Variants in PTPRD observed in about 807,000 individuals in gnomAD.
PTPRD encodes the protein receptor-type tyrosine-protein phosphatase delta.
A neutral mutation model predicts 214.5 loss-of-function variants in PTPRD; 34 were observed. The observed-to-expected ratio is 0.16, with a 90% CI of 0.12 to 0.21. PTPRD has a LOEUF of 0.21. Among genes scored for constraint, PTPRD ranks in the 10% least tolerant of loss-of-function variants. PTPRD has a pLI of 1.00. For missense variants in PTPRD, 2,545 were observed against 2,398.7 expected, an observed-to-expected ratio of 1.06 and a Z score of -1.27; for synonymous variants, 1,128 against 845.7, an observed-to-expected ratio of 1.33 and a Z score of -5.79.
chr9:8,466,662 C>T (rs1489951597), intron 31 of PTPRD, among the ~76,000 whole-genome samples: 3 of 151,750 alleles, frequency 2.0e-5, no homozygotes, highest in Non-Finnish European at 4.4e-5. Flanking sequence ...AGTCTTTTCG[C>T]CATTTTCTTG....
At chr9:9,826,266 C>A (rs1176804371) in intron 5 of PTPRD, among the ~76,000 whole-genome samples, 1 of 151,728 alleles carries the variant, frequency 6.6e-6, no homozygotes, top group Non-Finnish European at 1.5e-5. Context: ...CTAGTTCAGT[C>A]TTCATTTCTG....
At chr9:10,491,996 G>C (rs1168284837) in intron 2 of PTPRD, among the ~76,000 whole-genome samples, 2 of 152,122 alleles carry the variant, frequency 1.3e-5, no homozygotes, top group Non-Finnish European at 2.9e-5. Flanking sequence ...AGTTTGCTGA[G>C]AATGATGGTT....
chr9:8,765,171 T>C (rs1028220303), intron 11 of PTPRD, among the ~76,000 whole-genome samples: 1 of 152,164 alleles, frequency 6.6e-6, no homozygotes, highest in African/African-American at 2.4e-5. Flanking sequence ...TGTAGTAGTT[T>C]AAAGATATGT....
intron 5 of PTPRD, among the ~76,000 whole-genome samples, chr9:9,767,208 A>T (rs1268562358): frequency 6.6e-6 from 1 of 152,060 alleles, no homozygotes; most frequent in Non-Finnish European, 1.5e-5. Flanking sequence ...ATGCTACATG[A>T]ATTATTAGAT....
intron 2 of PTPRD, among the ~76,000 whole-genome samples, chr9:10,376,492 G>A (rs898843717): frequency 3.3e-5 from 5 of 151,586 alleles, no homozygotes; most frequent in African/African-American, 1.2e-4. Flanking sequence ...TAGTAAAAAT[G>A]TATAAAAAGG....
In PTPRD at chr9:10,492,415, T is replaced by G. The variant is rs570642430; in HGVS notation, c.-600+119983A>C. 2.6e-5 allele frequency among the ~76,000 whole-genome samples: 4 copies of G among 152,310 alleles called. No individual in the cohort carries two copies. The South Asian group carries it at 8.3e-4, about 32-fold the overall frequency. The stretch of plus-strand genomic sequence containing the variant: ...TTAATGATTGCCATTCTAGCTGGCA[T>G]GAGATGGTATCTCATTGTGGTTTTG... On this transcript the variant is annotated intron_variant, in intron 2 of 45. Transcript: ENST00000381196.
At chr9:9,521,166 T>C (rs1569568981) in intron 8 of PTPRD, among the ~76,000 whole-genome samples, 1 of 152,118 alleles carries the variant, frequency 6.6e-6, no homozygotes, top group Non-Finnish European at 1.5e-5. Flanking sequence ...TGTTACTGAT[T>C]CAGGTGGTGT....
At chr9:9,427,805 C>T (rs2081539128) in intron 8 of PTPRD, among the ~76,000 whole-genome samples, 1 of 152,104 alleles carries the variant, frequency 6.6e-6, no homozygotes, top group South Asian at 2.1e-4. Context: ...TCATATCCAG[C>T]CAAACTAAGC....
In PTPRD at chr9:10,340,978, G is replaced by C. The variant is rs1161095521; in HGVS notation, c.-560C>G. On this transcript the variant is annotated 5_prime_UTR_variant, in exon 3 of 46. Coordinates refer to ENST00000381196, the MANE Select transcript of PTPRD (RefSeq NM_002839.4). ...TATTACTTACTAGTTGTGTGACTTT[G>C]AGACAGGTCCTTTACTTCCTTGATT... is the stretch of plus-strand genomic sequence containing the variant. The C allele has an allele frequency of 6.6e-6, 1 of 151,874 alleles. No homozygotes were observed. Among genetic ancestry groups the C allele is most frequent in the African/African-American group, 2.4e-5 (1 of 41,422 alleles). The allele number at this position is 151,874 out of a possible 1,614,324, so 9.4% of individuals were successfully genotyped here. A position where few individuals can be genotyped will look rare whatever the true frequency, so the allele number is the denominator to read the frequency against.
chr9:9,793,527 T>G (rs182457183), intron 5 of PTPRD, among the ~76,000 whole-genome samples: 1 of 152,270 alleles, frequency 6.6e-6, no homozygotes, highest in East Asian at 1.9e-4. Flanking sequence ...TCTGTCAACA[T>G]GTGTTTCCTA....
intron 3 of PTPRD, among the ~76,000 whole-genome samples, chr9:10,104,112 T>C (rs763086788): frequency 6.6e-6 from 1 of 151,074 alleles, no homozygotes. Flanking sequence ...GTACCCAGAG[T>C]AGTCAAAGTC....
At chr9:9,336,313 G>A (rs971939178) in intron 9 of PTPRD, among the ~76,000 whole-genome samples, 11 of 152,120 alleles carry the variant, frequency 7.2e-5, no homozygotes, top group African/African-American at 2.7e-4. Flanking sequence ...ACATTCTCAA[G>A]GCAGAATCCT....
intron 3 of PTPRD, among the ~76,000 whole-genome samples, chr9:10,092,194 A>C (rs953784484): frequency 4.6e-5 from 7 of 151,460 alleles, no homozygotes; most frequent in African/African-American, 1.7e-4. Context: ...GACCTAAGAA[A>C]CACTAGCTTG....
At chr9:9,903,393 T>G (rs1203944361) in intron 5 of PTPRD, among the ~76,000 whole-genome samples, 1 of 152,140 alleles carries the variant, frequency 6.6e-6, no homozygotes, top group East Asian at 1.9e-4. Context: ...TGTTGCCACA[T>G]TAGTAAAACT....
intron 4 of PTPRD, among the ~76,000 whole-genome samples, chr9:9,990,739 G>C (rs564381098): frequency 1.3e-5 from 2 of 152,290 alleles, no homozygotes; most frequent in African/African-American, 4.8e-5. Flanking sequence ...AATGGCATTT[G>C]CTTACATTGG....
intron 7 of PTPRD, among the ~76,000 whole-genome samples, chr9:9,701,588 T>C (rs1236347479): frequency 3.9e-5 from 6 of 152,210 alleles, no homozygotes; most frequent in African/African-American, 1.2e-4. Context: ...CAAAGTCTTC[T>C]GAATGGTAGA....
intron 11 of PTPRD, among the ~76,000 whole-genome samples, chr9:8,803,003 G>A (rs956400698): frequency 1.3e-5 from 2 of 152,048 alleles, no homozygotes; most frequent in Non-Finnish European, 2.9e-5. Context: ...TATATAGTGA[G>A]CCACAACAGC....
intron 5 of PTPRD, among the ~76,000 whole-genome samples, chr9:9,835,997 T>C (rs955073103): frequency 6.6e-6 from 1 of 152,160 alleles, no homozygotes. Flanking sequence ...TGAAAGACTA[T>C]AAAAAGAGGC....
chr9:10,469,941 G>A (rs1272645027), intron 2 of PTPRD, among the ~76,000 whole-genome samples: 1 of 148,630 alleles, frequency 6.7e-6, no homozygotes, highest in Non-Finnish European at 1.5e-5. Flanking sequence ...ATATGTGAGA[G>A]CTGAAAAAAA....
Sources: allele counts gnomAD v4.1 joint callset (sites outside exome capture counted in the v4.1 genomes callset), GRCh38; gene constraint gnomAD v4.1.1; transcripts MANE v1.5; gene names NCBI Gene and HGNC (gene_info 2026-07-23, HGNC 2026-07-21).